MNAT1: variants seen among roughly 807,000 people sequenced by gnomAD.
The protein encoded by MNAT1 is MNAT1 component of CDK activating kinase.
MNAT1 carries 43 observed loss-of-function variants against 42.0 expected under a neutral mutation model. The ratio of observed to expected loss-of-function variants is 1.02; its 90% CI spans 0.80 to 1.32. MNAT1 has a LOEUF of 1.32. Among genes scored for constraint, MNAT1 ranks in the 40% most tolerant of loss-of-function variants. MNAT1 has a pLI of 0.00. For synonymous variants in MNAT1, 118 were observed against 120.0 expected, an observed-to-expected ratio of 0.98 and a Z score of 0.11; for missense variants, 306 against 350.4, an observed-to-expected ratio of 0.87 and a Z score of 1.01.
At chr14:60,742,320 T>C (rs1032610447) in intron 1 of MNAT1, among the ~76,000 whole-genome samples, 1 of 152,104 alleles carries the variant, frequency 6.6e-6, no homozygotes, top group African/African-American at 2.4e-5. Flanking sequence ...ACTCCTGGCC[T>C]CAAGTGATCT....
chr14:60,857,959 TTATC>T (rs2034002705), intron 6 of MNAT1, among the ~76,000 whole-genome samples: 3 of 152,244 alleles, frequency 2.0e-5, no homozygotes, highest in Admixed American at 2.0e-4. Flanking sequence ...CACATTTTCT[TTATC>T]TAGTCTATTA....
chr14:60,891,489 T>C (rs1209581727), intron 7 of MNAT1, among the ~76,000 whole-genome samples: 2 of 152,086 alleles, frequency 1.3e-5, no homozygotes, highest in African/African-American at 4.8e-5. Flanking sequence ...TGCTGCTCTG[T>C]TGCCCACGCC....
At chr14:60,901,582 A>G (rs1348357453) in intron 7 of MNAT1, among the ~76,000 whole-genome samples, 4 of 152,340 alleles carry the variant, frequency 2.6e-5, no homozygotes, top group Admixed American at 2.0e-4. Context: ...GCCATTAGGA[A>G]TATTTGTGCA....
intron 7 of MNAT1, among the ~76,000 whole-genome samples, chr14:60,923,623 G>A (rs1482664389): frequency 6.6e-6 from 1 of 151,998 alleles, no homozygotes; most frequent in African/African-American, 2.4e-5. Context: ...TTTATAAATA[G>A]AATCTTGCTA....
intron 1 of MNAT1, among the ~76,000 whole-genome samples, chr14:60,786,805 C>T (rs2031666430): frequency 6.6e-6 from 1 of 152,118 alleles, no homozygotes; most frequent in African/African-American, 2.4e-5. Context: ...GACTATCTGG[C>T]ATCTATAGAT....
chr14:60,866,793 C>A (rs1426394937), intron 6 of MNAT1, among the ~76,000 whole-genome samples: 1 of 151,898 alleles, frequency 6.6e-6, no homozygotes, highest in Non-Finnish European at 1.5e-5. Flanking sequence ...TGATACTAAC[C>A]TTTTACTAGT....
At chr14:60,939,912 G>A (rs930958227) in intron 7 of MNAT1, among the ~76,000 whole-genome samples, 1 of 152,106 alleles carries the variant, frequency 6.6e-6, no homozygotes, top group Non-Finnish European at 1.5e-5. Context: ...GAATCTGGGT[G>A]CTCCTGTATT....
At chr14:60,952,127 A>G (rs1225186480) in intron 7 of MNAT1, among the ~76,000 whole-genome samples, 4 of 152,184 alleles carry the variant, frequency 2.6e-5, no homozygotes, top group African/African-American at 9.7e-5. Context: ...CCTACCTCTA[A>G]CAGGACTGAG....
chr14:60,823,636 A>G (rs567530649), intron 6 of MNAT1, among the ~76,000 whole-genome samples: 4 of 152,236 alleles, frequency 2.6e-5, no homozygotes, highest in African/African-American at 7.2e-5. Context: ...AGGTGGGCGG[A>G]TCACCTGAGG....
At position 60,876,935 on chromosome 14, in the gene MNAT1, C is replaced by T. The variant is rs762637189; in HGVS notation, c.688-2779C>T. ...TTCTTTGAGACCCTGCTTTCACTTT[C>T]GGGTATATACCCAGAATCCATCCAA... On this transcript the variant is annotated intron_variant, in intron 6 of 7. Coordinates refer to ENST00000261245, the MANE Select transcript of MNAT1 (RefSeq NM_002431.4). Among the ~76,000 whole-genome samples, 5 of 151,994 alleles carry T rather than the reference C, an allele frequency of 3.3e-5. No homozygotes were observed. In the East Asian group the frequency reaches 9.6e-4, roughly 29 times the overall value.
intron 3 of MNAT1, among the ~76,000 whole-genome samples, chr14:60,798,560 C>T (rs1314968475): frequency 6.6e-6 from 1 of 152,038 alleles, no homozygotes; most frequent in Non-Finnish European, 1.5e-5. Context: ...ATTATTTGTG[C>T]TTCTGTGGAT....
intron 1 of MNAT1, among the ~76,000 whole-genome samples, chr14:60,790,427 A>G (rs892791282): frequency 1.3e-5 from 2 of 152,124 alleles, no homozygotes; most frequent in Non-Finnish European, 2.9e-5. Context: ...TAAATTGTGT[A>G]TTCAGTGGAA....
chr14:60,944,574 G>A (rs1400873107), intron 7 of MNAT1, among the ~76,000 whole-genome samples: 3 of 152,292 alleles, frequency 2.0e-5, no homozygotes, highest in African/African-American at 7.2e-5. Context: ...TAGACAAATA[G>A]ACTATTACCA....
chr14:60,909,498 G>A (rs1441231141), intron 7 of MNAT1, among the ~76,000 whole-genome samples: 1 of 152,066 alleles, frequency 6.6e-6, no homozygotes, highest in African/African-American at 2.4e-5. Context: ...ATTACTTTTT[G>A]TATAAGGTGT....
chr14:60,829,621 T>C (rs1234463305), intron 6 of MNAT1, among the ~76,000 whole-genome samples: 1 of 152,200 alleles, frequency 6.6e-6, no homozygotes, highest in Non-Finnish European at 1.5e-5. Context: ...ATAATGAGTC[T>C]GGATTTTCAG....
intron 7 of MNAT1, among the ~76,000 whole-genome samples, chr14:60,916,546 C>T (rs1007709365): frequency 6.6e-6 from 1 of 152,042 alleles, no homozygotes; most frequent in African/African-American, 2.4e-5. Context: ...TCCCAGCTAC[C>T]CAGGAGGCTG....
intron 1 of MNAT1, among the ~76,000 whole-genome samples, chr14:60,760,778 C>T (rs951793981): frequency 6.6e-6 from 1 of 152,160 alleles, no homozygotes; most frequent in Non-Finnish European, 1.5e-5. Flanking sequence ...CTCCTCTTGT[C>T]TGGTAGAAAG....
intron 7 of MNAT1, among the ~76,000 whole-genome samples, chr14:60,892,139 A>G (rs1383129436): frequency 6.6e-6 from 1 of 152,104 alleles, no homozygotes; most frequent in Non-Finnish European, 1.5e-5. Context: ...GTAGTTGAGT[A>G]TAGTGTTCCA....
At chr14:60,838,632 G>A (rs926097355) in intron 6 of MNAT1, among the ~76,000 whole-genome samples, 1 of 152,242 alleles carries the variant, frequency 6.6e-6, no homozygotes, top group African/African-American at 2.4e-5. Context: ...CATGGAGCCA[G>A]TGGGAGCTGG....
Sources: allele counts gnomAD v4.1 joint callset (sites outside exome capture counted in the v4.1 genomes callset), GRCh38; gene constraint gnomAD v4.1.1; transcripts MANE v1.5; gene names NCBI Gene and HGNC (gene_info 2026-07-23, HGNC 2026-07-21).